The following FANCC variants were observed in gnomAD, a reference collection of about 807,000 sequenced individuals.
FANCC encodes the protein FA complementation group C.
A neutral mutation model predicts 71.3 loss-of-function variants in FANCC; 55 were observed. The observed-to-expected ratio is 0.77, with a 90% CI of 0.62 to 0.97. The LOEUF is 0.97. Ranked by LOEUF, FANCC falls within the 50% of genes least tolerant of loss-of-function variation. The probability of loss-of-function intolerance (pLI) is 0.00; values close to 1 mark genes in which losing one functional copy is unlikely to be tolerated. For missense variants in FANCC, 678 were observed against 670.9 expected (o/e 1.01, Z -0.12); for synonymous variants, 275 against 244.9 (o/e 1.12, Z -1.15).
intron 1 of FANCC, among the ~76,000 whole-genome samples, chr9:95,251,601 C>A (rs957442081): frequency 1.3e-5 from 2 of 152,166 alleles, no homozygotes; most frequent in Non-Finnish European, 2.9e-5. Context: ...CAGGCATGAG[C>A]CACCGTGCCC....
chr9:95,192,292 G>C (rs1198882048), intron 4 of FANCC, among the ~76,000 whole-genome samples: 1 of 152,138 alleles, frequency 6.6e-6, no homozygotes, highest in African/African-American at 2.4e-5. Flanking sequence ...ACCTTCACTT[G>C]TTCCCAGATT....
intron 4 of FANCC, among the ~76,000 whole-genome samples, chr9:95,216,534 T>A (rs1378467662): frequency 6.6e-6 from 1 of 152,236 alleles, no homozygotes; most frequent in African/African-American, 2.4e-5. Flanking sequence ...ATATTTTCAA[T>A]GATATTTGTA....
intron 1 of FANCC, among the ~76,000 whole-genome samples, chr9:95,275,282 T>C (rs1832970487): frequency 6.6e-6 from 1 of 150,946 alleles, no homozygotes; most frequent in African/African-American, 2.4e-5. Flanking sequence ...AGAACCTATC[T>C]CAAAAAAATA....
At chr9:95,276,497 A>T (rs1275232574) in intron 1 of FANCC, among the ~76,000 whole-genome samples, 1 of 152,166 alleles carries the variant, frequency 6.6e-6, no homozygotes, top group Non-Finnish European at 1.5e-5. Context: ...CTCAAGTAAC[A>T]GCATGATTAT....
At chr9:95,301,140 A>G (rs1834700410) in intron 1 of FANCC, among the ~76,000 whole-genome samples, 1 of 151,478 alleles carries the variant, frequency 6.6e-6, no homozygotes, top group Non-Finnish European at 1.5e-5. Flanking sequence ...AAAATGATGA[A>G]AAGTGGCTAA....
chr9:95,139,834 T>A (rs1007368508), intron 7 of FANCC, among the ~76,000 whole-genome samples: 15 of 143,154 alleles, frequency 1.0e-4, no homozygotes, highest in East Asian at 6.0e-4. Context: ...ATATATATAT[T>A]TATATATATA....
chr9:95,118,317 C>T (rs1209531421), intron 10 of FANCC, among the ~76,000 whole-genome samples: 1 of 152,262 alleles, frequency 6.6e-6, no homozygotes, highest in Admixed American at 6.5e-5. Flanking sequence ...CTGAGCCTGG[C>T]TCAGCATGGT....
chr9:95,189,337 A>G (rs750968195), intron 4 of FANCC, among the ~76,000 whole-genome samples: 1 of 152,224 alleles, frequency 6.6e-6, no homozygotes, highest in Admixed American at 6.5e-5. Flanking sequence ...GCAGTGGTTA[A>G]GTCTGTGAGT....
intron 4 of FANCC, among the ~76,000 whole-genome samples, chr9:95,178,721 C>A (rs147362906): frequency 2.0e-4 from 31 of 152,356 alleles, no homozygotes; most frequent in African/African-American, 7.2e-4. Context: ...ACGGACACAG[C>A]ACCCAATACA....
At chr9:95,139,165 A>G (rs1828186198) in intron 7 of FANCC, among the ~76,000 whole-genome samples, 1 of 152,208 alleles carries the variant, frequency 6.6e-6, no homozygotes, top group Admixed American at 6.5e-5. Flanking sequence ...ATCACAGAAA[A>G]AGAACTGCAA....
chr9:95,217,108 T>C (rs1446036056), intron 4 of FANCC, among the ~76,000 whole-genome samples: 1 of 152,058 alleles, frequency 6.6e-6, no homozygotes, highest in Non-Finnish European at 1.5e-5. Flanking sequence ...ATAATACAAA[T>C]ATATAATCAG....
chr9:95,110,251 C>CTT (rs2071807788), intron 13 of FANCC: 2 of 1,007,278 alleles, frequency 2.0e-6, no homozygotes, highest in South Asian at 4.7e-5. Context: ...TAATTTATTT[C>CTT]TTTATACTTC....
At chr9:95,266,911 C>G (rs564928163) in intron 1 of FANCC, among the ~76,000 whole-genome samples, 36 of 152,194 alleles carry the variant, frequency 2.4e-4, no homozygotes, top group African/African-American at 8.4e-4. Context: ...TAAGATGGCA[C>G]GGTAAATTCA....
At chr9:95,250,817 G>A (rs975676547) in intron 1 of FANCC, among the ~76,000 whole-genome samples, 3 of 152,220 alleles carry the variant, frequency 2.0e-5, no homozygotes, top group Admixed American at 6.5e-5. Context: ...GGGCCTGCCC[G>A]TCTCCAATTC....
intron 13 of FANCC, 39 bp from the exon 14 acceptor site, chr9:95,107,308 G>A (rs1355594858): frequency 3.8e-6 from 6 of 1,593,724 alleles, no homozygotes; most frequent in Non-Finnish European, 5.1e-6. Context: ...GTTAGGAAGA[G>A]GCAGGACAGA....
At chr9:95,211,767 T>C (rs1391286050) in intron 4 of FANCC, among the ~76,000 whole-genome samples, 2 of 150,582 alleles carry the variant, frequency 1.3e-5, no homozygotes, top group Non-Finnish European at 2.9e-5. Flanking sequence ...AGGCTGGAAA[T>C]GGCAGAGATG....
At chr9:95,157,376 C>G (rs1162973366) in intron 6 of FANCC, among the ~76,000 whole-genome samples, 1 of 152,150 alleles carries the variant, frequency 6.6e-6, no homozygotes, top group Non-Finnish European at 1.5e-5. Flanking sequence ...TTTCACTTGC[C>G]ACCAAGTAAA....
chr9:95,141,245 G>A (rs571101315), intron 7 of FANCC, among the ~76,000 whole-genome samples: 3 of 145,980 alleles, frequency 2.1e-5, no homozygotes, highest in Non-Finnish European at 4.5e-5. Flanking sequence ...CTGGGAGGTC[G>A]AGGCTACAGT....
At chr9:95,249,058 T>C in intron 2 of FANCC, 69 bp downstream of exon 2, 1 of 1,552,212 alleles carries the variant, frequency 6.4e-7, no homozygotes, top group Non-Finnish European at 8.8e-7. Context: ...GGTGGCATTC[T>C]GTCTTGGTGA....
Sources: allele counts gnomAD v4.1 joint callset (sites outside exome capture counted in the v4.1 genomes callset), GRCh38; gene constraint gnomAD v4.1.1; transcripts MANE v1.5; gene names NCBI Gene and HGNC (gene_info 2026-07-23, HGNC 2026-07-21).